Variants in CNTNAP2 observed in about 807,000 individuals in gnomAD.
CNTNAP2 encodes contactin-associated protein-like 2.
Under a neutral mutation model 155.2 loss-of-function variants are expected in CNTNAP2, and 98 were observed. The observed-to-expected ratio is 0.63, with a 90% CI of 0.54 to 0.75. The LOEUF is 0.75. CNTNAP2 is among the 30% of genes least tolerant of loss of function. The probability of loss-of-function intolerance (pLI) is 0.00; values close to 1 mark genes in which losing one functional copy is unlikely to be tolerated. For missense variants in CNTNAP2, 1,727 were observed against 1,688.1 expected (o/e 1.02, Z -0.40); for synonymous variants, 651 against 631.2 (o/e 1.03, Z -0.47).
intron 10 of CNTNAP2, among the ~76,000 whole-genome samples, chr7:147,408,592 C>T (rs1207388674): frequency 6.6e-6 from 1 of 152,064 alleles, no homozygotes; most frequent in Non-Finnish European, 1.5e-5. Context: ...AACCCTGTCT[C>T]TAAAAAATAT....
At chr7:147,059,336 GGATAACTCT>G (rs1258517605) in intron 4 of CNTNAP2, among the ~76,000 whole-genome samples, 2 of 151,998 alleles carry the variant, frequency 1.3e-5, no homozygotes, top group Non-Finnish European at 2.9e-5. Context: ...AGAGCTATTT[GGATAACTCT>G]AGGCAACCTC....
intron 10 of CNTNAP2, among the ~76,000 whole-genome samples, chr7:147,448,989 G>T (rs888670219): frequency 2.1e-5 from 3 of 145,362 alleles, no homozygotes; most frequent in African/African-American, 7.5e-5. Context: ...TCTAAATCAT[G>T]AAAACACTAA....
intron 3 of CNTNAP2, among the ~76,000 whole-genome samples, chr7:146,851,728 G>C (rs1794883348): frequency 6.7e-6 from 1 of 149,852 alleles, no homozygotes; most frequent in Non-Finnish European, 1.5e-5. Context: ...TGTCACCCAG[G>C]CTAGAGTGCA....
At chr7:146,553,759 T>C (rs1303230330) in intron 1 of CNTNAP2, among the ~76,000 whole-genome samples, 2 of 152,098 alleles carry the variant, frequency 1.3e-5, no homozygotes, top group Non-Finnish European at 2.9e-5. Flanking sequence ...ATTCTAAAAA[T>C]GTTGAGGTTT....
At chr7:147,705,776 C>T (rs1041444116) in intron 13 of CNTNAP2, among the ~76,000 whole-genome samples, 1 of 152,114 alleles carries the variant, frequency 6.6e-6, no homozygotes, top group African/African-American at 2.4e-5. Context: ...TATCCACTTG[C>T]TGAGTTGATC....
intron 12 of CNTNAP2, among the ~76,000 whole-genome samples, chr7:147,617,186 G>A (rs544976368): frequency 6.6e-5 from 10 of 152,186 alleles, no homozygotes; most frequent in African/African-American, 1.4e-4. Context: ...CATGGTTCAC[G>A]ACAAATGCTC....
At chr7:146,631,219 C>A (rs1449780151) in intron 1 of CNTNAP2, among the ~76,000 whole-genome samples, 2 of 152,012 alleles carry the variant, frequency 1.3e-5, no homozygotes, top group East Asian at 3.9e-4. Flanking sequence ...GAAATATAGA[C>A]CAATGGAACA....
At chr7:147,392,047 G>C (rs897192931) in intron 9 of CNTNAP2, among the ~76,000 whole-genome samples, 1 of 152,012 alleles carries the variant, frequency 6.6e-6, no homozygotes, top group Non-Finnish European at 1.5e-5. Flanking sequence ...TCCTTAGCTA[G>C]ATTATACAAT....
intron 14 of CNTNAP2, among the ~76,000 whole-genome samples, chr7:147,968,525 C>T (rs1563152170): frequency 6.6e-6 from 1 of 152,168 alleles, no homozygotes; most frequent in Non-Finnish European, 1.5e-5. Flanking sequence ...CAAGGCCCAT[C>T]AAGGCAAGAG....
At chr7:148,330,886 ATGGATGGATGGAATGGACGGATGGAG>A (rs1797985788) in intron 21 of CNTNAP2, among the ~76,000 whole-genome samples, 2 of 93,218 alleles carry the variant, frequency 2.1e-5, no homozygotes, top group Non-Finnish European at 5.4e-5. Flanking sequence ...GCTGGATGGA[ATGGATGGATGGAATGGACGGATGGAG>A]TGGATGGATG....
At chr7:148,358,163 AGGGAACACACAGCCAGGG>A (rs1798552244) in intron 21 of CNTNAP2, among the ~76,000 whole-genome samples, 1 of 152,176 alleles carries the variant, frequency 6.6e-6, no homozygotes, top group Non-Finnish European at 1.5e-5. Context: ...GGAGTGTCTG[AGGGAACACACAGCCAGGG>A]GGCTGGGAGA....
chr7:146,181,780 G>A (rs751734447), intron 1 of CNTNAP2, among the ~76,000 whole-genome samples: 18 of 152,040 alleles, frequency 1.2e-4, no homozygotes, highest in Non-Finnish European at 2.2e-4. Context: ...TCTAAGTCTT[G>A]TCCCACAAAA....
At chr7:147,508,352 C>T (rs1249220513) in intron 11 of CNTNAP2, among the ~76,000 whole-genome samples, 3 of 152,058 alleles carry the variant, frequency 2.0e-5, no homozygotes, top group African/African-American at 7.3e-5. Context: ...CCACTGAAGC[C>T]AGTAATCTAG....
intron 11 of CNTNAP2, among the ~76,000 whole-genome samples, chr7:147,531,889 CT>C (rs1297800861): frequency 2.0e-5 from 3 of 150,924 alleles, no homozygotes; most frequent in African/African-American, 7.3e-5. Context: ...TCACTGCAAG[CT>C]TCAACTCCTG....
chr7:147,120,949 A>G, intron 5 of CNTNAP2, 30 bp from the exon 6 acceptor site: 5 of 1,608,982 alleles, frequency 3.1e-6, no homozygotes, highest in Non-Finnish European at 4.2e-6. Context: ...GCATCATTGC[A>G]TTGTTTCTTT....
chr7:147,892,023 A>G (rs1335354390), intron 13 of CNTNAP2, among the ~76,000 whole-genome samples: 2 of 152,212 alleles, frequency 1.3e-5, no homozygotes, highest in Non-Finnish European at 2.9e-5. Flanking sequence ...GAACGCTAAA[A>G]GGAGAAAAAA....
chr7:147,223,273 C>T (rs1803446634), intron 8 of CNTNAP2, among the ~76,000 whole-genome samples: 1 of 152,120 alleles, frequency 6.6e-6, no homozygotes. Context: ...ACATTTCCAC[C>T]CACTGCACTT....
intron 1 of CNTNAP2, among the ~76,000 whole-genome samples, chr7:146,157,570 G>A (rs974823614): frequency 2.0e-5 from 3 of 152,064 alleles, no homozygotes; most frequent in African/African-American, 7.2e-5. Flanking sequence ...TTAGGAAATG[G>A]CACACCAGGA....
Position 147,208,904 on chromosome 7 carries a change from T to A in CNTNAP2, c.1348+76395T>A, listed in dbSNP as rs902508121. ...TCTGTGAAACCCATTATTAAGAAACTTCATTTAATGGATTAATCTCATTGC... is the reference window on the plus strand; with the variant it reads ...TCTGTGAAACCCATTATTAAGAAACATCATTTAATGGATTAATCTCATTGC... On this transcript the variant is annotated intron_variant, in intron 8 of 23. Transcript: ENST00000361727. Among the ~76,000 whole-genome samples, 5 of 152,072 alleles carry A rather than the reference T, an allele frequency of 3.3e-5. 1 individual carries two copies. The Middle Eastern group carries it at 0.017, about 517-fold the overall frequency.
Sources: allele counts gnomAD v4.1 joint callset (sites outside exome capture counted in the v4.1 genomes callset), GRCh38; gene constraint gnomAD v4.1.1; transcripts MANE v1.5; gene names NCBI Gene and HGNC (gene_info 2026-07-23, HGNC 2026-07-21).